Variants in ABCC5 observed in about 807,000 individuals in gnomAD.
ABCC5 encodes ATP binding cassette subfamily C member 5.
A neutral mutation model predicts 160.9 loss-of-function variants in ABCC5; 61 were observed. That is an observed-to-expected ratio of 0.38 (90% confidence interval 0.31 to 0.47). The LOEUF is 0.47. Among genes scored for constraint, ABCC5 ranks in the 20% least tolerant of loss-of-function variants. The pLI, the probability that ABCC5 is intolerant of heterozygous loss-of-function variation, is 0.99. For synonymous variants in ABCC5, 666 were observed against 700.6 expected, an observed-to-expected ratio of 0.95 and a Z score of 0.78; for missense variants, 1,308 against 1,813.3, an observed-to-expected ratio of 0.72 and a Z score of 5.06.
intron 2 of ABCC5, among the ~76,000 whole-genome samples, chr3:184,012,731 G>A (rs1446642699): frequency 6.6e-6 from 1 of 152,180 alleles, no homozygotes; most frequent in African/African-American, 2.4e-5. Flanking sequence ...AAAAGGACAT[G>A]AGGAAGTTAT....
chr3:183,940,962 G>T (rs1714281784), intron 25 of ABCC5, among the ~76,000 whole-genome samples: 1 of 152,120 alleles, frequency 6.6e-6, no homozygotes, highest in South Asian at 2.1e-4. Context: ...GGGTTCAAGA[G>T]ATTCTCCTGC....
chr3:183,983,800 A>G (rs1486370895), intron 5 of ABCC5: 1 of 985,534 alleles, frequency 1.0e-6, no homozygotes, highest in Non-Finnish European at 1.2e-6. Flanking sequence ...TAAAAGTACC[A>G]TCTTCAAAGA....
At chr3:183,974,098 A>G (rs1226938128) in intron 10 of ABCC5, among the ~76,000 whole-genome samples, 3 of 152,200 alleles carry the variant, frequency 2.0e-5, no homozygotes, top group African/African-American at 7.2e-5. Context: ...TGCACCTGTC[A>G]GAACAACAGA....
At chr3:184,005,282 T>C (rs938390633) in intron 2 of ABCC5, among the ~76,000 whole-genome samples, 8 of 152,178 alleles carry the variant, frequency 5.3e-5, no homozygotes, top group African/African-American at 1.7e-4. Flanking sequence ...TCAGTCTTGC[T>C]TTCTACCTCC....
intron 11 of ABCC5, among the ~76,000 whole-genome samples, chr3:183,970,370 C>G (rs1380283496): frequency 6.6e-6 from 1 of 152,082 alleles, no homozygotes; most frequent in Non-Finnish European, 1.5e-5. Context: ...ATAAGGCATT[C>G]CCTCAGGCAG....
At chr3:183,944,225 C>T (rs953313486) in intron 24 of ABCC5, among the ~76,000 whole-genome samples, 4 of 152,008 alleles carry the variant, frequency 2.6e-5, no homozygotes, top group African/African-American at 9.7e-5. Flanking sequence ...CGAAACCTAT[C>T]TCTACAAAAA....
At chr3:184,012,298 T>C (rs1319258501) in intron 2 of ABCC5, among the ~76,000 whole-genome samples, 6 of 152,194 alleles carry the variant, frequency 3.9e-5, no homozygotes, top group Admixed American at 2.0e-4. Flanking sequence ...CAGTGAAATA[T>C]TTCTTAGCAT....
intron 5 of ABCC5, chr3:183,983,627 C>A (rs1718937258): frequency 3.8e-6 from 2 of 522,764 alleles, no homozygotes; most frequent in African/African-American, 2.1e-5. Flanking sequence ...ATGTCTAACA[C>A]CACCTGCAGA....
At chr3:183,952,598 A>G (rs1214539577) in intron 18 of ABCC5, among the ~76,000 whole-genome samples, 3 of 152,156 alleles carry the variant, frequency 2.0e-5, no homozygotes, top group African/African-American at 4.8e-5. Context: ...TTGTCGTGAC[A>G]GTGAGTTCTC....
chr3:183,990,252 G>C (rs570310718), intron 2 of ABCC5, among the ~76,000 whole-genome samples: 32 of 151,600 alleles, frequency 2.1e-4, no homozygotes, highest in African/African-American at 5.1e-4. Context: ...GGTTACAGGC[G>C]TGCACCACCA....
rs2108867306 is a variant in ABCC5 at position 183,988,487 on chromosome 3, GA to G, written c.443+84del. 5 of 1,499,064 alleles carry G rather than the reference GA, an allele frequency of 3.3e-6. No individual in the cohort carries two copies. The highest frequency in any genetic ancestry group is 4.5e-6 in the Non-Finnish European group (5 of 1,120,976). The allele number at this position is 1,499,064 out of a possible 1,614,324, so 92.9% of individuals were successfully genotyped here. A position where few individuals can be genotyped will look rare whatever the true frequency, so the allele number is the denominator to read the frequency against. ...CCACTGGACAGCTCGGCTCTTTAAA[GA>G]CACAGAGCTGTGGACTTCACACTCC... On this transcript the variant is annotated intron_variant, in intron 4 of 29. Transcript: ENST00000334444. This position sits in a 1 kb window ranked among gnomAD's most constrained non-coding sequence, Gnocchi z 4.4.
chr3:183,967,890 AG>A lies in ABCC5; in HGVS notation c.1762-125del, dbSNP rs1717373444. On this transcript the variant is annotated intron_variant, in intron 11 of 29. Coordinates refer to ENST00000334444, the MANE Select transcript of ABCC5 (RefSeq NM_005688.4). ...AGAACTGTCACCCTGATGACTCAGCAGGCCACTTACCTGTTTTCTCACTCAT... is the reference window on the plus strand; with the variant it reads ...AGAACTGTCACCCTGATGACTCAGCAGCCACTTACCTGTTTTCTCACTCAT... The A allele has an allele frequency of 6.3e-5, 49 of 773,736 alleles. 1 individual carries two copies. In the South Asian group the frequency reaches 7.3e-4, roughly 12 times the overall value. The allele number at this position is 773,736 out of a possible 1,614,324, so 47.9% of individuals were successfully genotyped here. A position where few individuals can be genotyped will look rare whatever the true frequency, so the allele number is the denominator to read the frequency against.
intron 8 of ABCC5, among the ~76,000 whole-genome samples, chr3:183,979,308 G>A (rs922178990): frequency 6.8e-6 from 1 of 147,972 alleles, no homozygotes; most frequent in African/African-American, 2.5e-5. Context: ...TTGCACCGCT[G>A]TATTCCAGAC....
intron 11 of ABCC5, among the ~76,000 whole-genome samples, chr3:183,969,691 C>CAA (rs35014671): frequency 0.11 from 8,057 of 70,428 alleles, 1,007 homozygotes; most frequent in African/African-American, 0.34. Context: ...GACTCTGTCT[C>CAA]AAAAAAAAAA....
chr3:184,013,167 T>A (rs998498199), intron 2 of ABCC5, among the ~76,000 whole-genome samples: 2 of 152,254 alleles, frequency 1.3e-5, no homozygotes, highest in African/African-American at 2.4e-5. Flanking sequence ...GCTTAACTTA[T>A]GAATTCGCTT....
In ABCC5 at chr3:183,920,612, C is replaced by T. The variant is rs1401099288; in HGVS notation, c.*688G>A. 1 of 152,714 alleles carries T rather than the reference C, an allele frequency of 6.5e-6. No homozygotes were observed. Among genetic ancestry groups the T allele is most frequent in the East Asian group, 1.9e-4 (1 of 5,206 alleles). The allele number at this position is 152,714 out of a possible 1,614,324, so 9.5% of individuals were successfully genotyped here. On this transcript the variant is annotated 3_prime_UTR_variant, in exon 30 of 30. Coordinates refer to ENST00000334444, the MANE Select transcript of ABCC5 (RefSeq NM_005688.4). The surrounding 1 kb of genome is among the most constrained non-coding windows in gnomAD (Gnocchi z 4.1). The stretch of plus-strand genomic sequence containing the variant: ...GGGCTTCGCCCCGCTGCTCTCCTGA[C>T]AGAAACAGTAAGTGACACCAGGACA...
At position 183,965,400 on chromosome 3, in the gene ABCC5, A is replaced by C. The variant is rs771985748; in HGVS notation, c.1935T>G (p.Phe645Leu). Residue 645 changes from phenylalanine to leucine, a missense_variant, in exon 13 of 30, where the codon TTT becomes TTG. Coordinates refer to ENST00000334444, the MANE Select transcript of ABCC5 (RefSeq NM_005688.4). ...LNATLRDNILFGKEYDEERYN... is the reference protein window; with the variant it reads ...LNATLRDNILLGKEYDEERYN... Reference sequence around the variant, plus strand: ...GCCTTTCTTCATCATATTCCTTCCCAAACAGGATGTTGTCTCTCAGAGTAG... The same window carrying C: ...GCCTTTCTTCATCATATTCCTTCCCCAACAGGATGTTGTCTCTCAGAGTAG... 6.2e-7 allele frequency: 1 copy of C among 1,614,080 alleles called. No individual in the cohort carries two copies. Among genetic ancestry groups the C allele is most frequent in the Non-Finnish European group, 8.5e-7 (1 of 1,180,032 alleles).
Position 183,928,672 on chromosome 3 carries a change from CGGGGTGTGGCAAG to C in ABCC5, c.3933+62_3933+74del, listed in dbSNP as rs1024377433. The C allele has an allele frequency of 2.2e-6, 3 of 1,350,692 alleles. No individual in the cohort carries two copies. In the African/African-American group the frequency reaches 4.3e-5, roughly 19 times the overall value. The allele number at this position is 1,350,692 out of a possible 1,614,324, so 83.7% of individuals were successfully genotyped here. A position where few individuals can be genotyped will look rare whatever the true frequency, so the allele number is the denominator to read the frequency against. ...ATCCTGGAGGCACGGCCAGAGCAGA[CGGGGTGTGGCAAG>C]GGCACTGCTGTGCTTCCACCCTCAC... On this transcript the variant is annotated intron_variant, in intron 27 of 29. Transcript: ENST00000334444.
intron 25 of ABCC5, 129 bp downstream of exon 25, chr3:183,942,598 G>T: frequency 8.7e-7 from 1 of 1,147,146 alleles, no homozygotes; most frequent in Non-Finnish European, 1.3e-6. Context: ...CTAGAAAATT[G>T]GTTTCAGTAG....
Sources: allele counts gnomAD v4.1 joint callset (sites outside exome capture counted in the v4.1 genomes callset), GRCh38; gene constraint gnomAD v4.1.1; non-coding constraint Gnocchi (gnomAD v3.1); transcripts MANE v1.5; gene names NCBI Gene and HGNC (gene_info 2026-07-23, HGNC 2026-07-21).